PC: variants seen among roughly 807,000 people sequenced by gnomAD.
PC encodes the protein pyruvate carboxylase, mitochondrial.
PC carries 46 observed loss-of-function variants against 107.8 expected under a neutral mutation model. That is an observed-to-expected ratio of 0.43 (90% CI 0.34 to 0.55). The LOEUF (loss-of-function observed/expected upper bound fraction) is 0.55, where lower values mean the gene tolerates loss of function less well. Ranked by LOEUF, PC falls within the 20% of genes least tolerant of loss-of-function variation. The pLI is 0.04. For missense variants in PC, 1,241 were observed against 1,643.1 expected, an observed-to-expected ratio of 0.76 and a Z score of 4.23; for synonymous variants, 662 against 684.7, an observed-to-expected ratio of 0.97 and a Z score of 0.52.
In PC at chr11:66,871,827, T is replaced by C. The variant is rs1442827613; in HGVS notation, c.181A>G (p.Ile61Val). Residue 61 changes from isoleucine to valine, a missense_variant, in exon 5 of 23, where the codon ATC (isoleucine) becomes GTC (valine). Physicochemically the swap from Ile to Val is conservative, Grantham distance 29. Around this residue, in one of 2 missense-constraint regions of PC, gnomAD observed 1,143 missense variants for 1,551.9 expected, o/e 0.74. Coordinates refer to ENST00000393960, the MANE Select transcript of PC (RefSeq NM_001040716.2). The surrounding 1 kb of genome is among the most constrained non-coding windows in gnomAD (Gnocchi z 7.4). ...RVFRACTELG[I>V]RTVAIYSEQD... ...TCAGAGTAGATGGCTACGGTGCGGATGCCCAGCTCCGTGCAGGCCCGGAAC... is the reference window on the plus strand; with the variant it reads ...TCAGAGTAGATGGCTACGGTGCGGACGCCCAGCTCCGTGCAGGCCCGGAAC... The C allele has an allele frequency of 6.2e-7, 1 of 1,609,298 alleles. No homozygotes were observed. The highest frequency in any genetic ancestry group is 8.5e-7 in the Non-Finnish European group (1 of 1,179,646).
Position 66,850,779 on chromosome 11 carries a change from C to T in PC, c.2368G>A (p.Gly790Arg), listed in dbSNP as rs1478432050. Reference protein sequence around the residue: ...VAAMLACAQAGADVVDVAADS... With the variant: ...VAAMLACAQARADVVDVAADS... ...GCTGCCACATCCACCACATCAGCTCCAGCCTGGGCACAGGCCAGCATGGCT... is the reference window on the plus strand; with the variant it reads ...GCTGCCACATCCACCACATCAGCTCTAGCCTGGGCACAGGCCAGCATGGCT... The change falls in exon 18 of 23, where the codon GGA becomes AGA. Residue 790 changes from glycine to arginine, a missense_variant. Gly to Arg is a moderately radical substitution (Grantham distance 125). Transcript: ENST00000393960. 1 of 1,611,600 alleles carries T rather than the reference C, an allele frequency of 6.2e-7. No homozygotes were observed. Among genetic ancestry groups the T allele is most frequent in the South Asian group, 1.1e-5 (1 of 91,086 alleles).
chr11:66,868,955 C>T lies in PC; in HGVS notation c.913G>A (p.Glu305Lys), dbSNP rs1487446205. The T allele has an allele frequency of 1.5e-5, 25 of 1,613,328 alleles. No individual in the cohort carries two copies. Among genetic ancestry groups the T allele is most frequent in the Middle Eastern group, 1.6e-4 (1 of 6,082 alleles). ...SVKLAKQVGY[E>K]NAGTVEFLVD... ...AGGAACTCCACGGTGCCTGCGTTCT[C>T]GTAGCCCACCTGTGGGGGCGGCCAC... The change falls in exon 10 of 23, where the codon GAG becomes AAG. Residue 305 changes from glutamate to lysine, a missense_variant. Physicochemically the swap from Glu to Lys is moderately conservative, Grantham distance 56. Transcript: ENST00000393960.
At chr11:66,856,366 C>G (rs1366927860) in intron 12 of PC, among the ~76,000 whole-genome samples, 2 of 121,220 alleles carry the variant, frequency 1.6e-5, no homozygotes, top group Non-Finnish European at 3.5e-5. Context: ...GCGGGGCGGG[C>G]GGGGCAGCTG....
chr11:66,910,186 TCAA>T (rs1948294606), intron 3 of PC, among the ~76,000 whole-genome samples: 1 of 152,014 alleles, frequency 6.6e-6, no homozygotes, highest in African/African-American at 2.4e-5. Context: ...GCTCACATGC[TCAA>T]CAACACTGTT....
chr11:66,892,877 T>G (rs1189761282), intron 3 of PC, among the ~76,000 whole-genome samples: 1 of 151,728 alleles, frequency 6.6e-6, no homozygotes, highest in African/African-American at 2.4e-5. Context: ...ATTGTTGGCT[T>G]TTAGTATTAA....
chr11:66,904,786 AGGGAACGGCATTAAG>A (rs1418086571), intron 3 of PC, among the ~76,000 whole-genome samples: 5 of 152,244 alleles, frequency 3.3e-5, no homozygotes, highest in Non-Finnish European at 4.4e-5. Context: ...TTCTGTGGGA[AGGGAACGGCATTAAG>A]AGGAACGGCA....
Position 66,851,946 on chromosome 11 carries a change from C to T in PC, c.1826G>A (p.Gly609Glu). ...GCGCATGGCGACGTCAAACGTGGCT[C>T]CTGCACAGGAACCGAGAGGCCCAGA... is the stretch of plus-strand genomic sequence containing the variant. ...SKLFSMENWG[G>E]ATFDVAMRFL... The change falls in exon 16 of 23, where the codon GGA becomes GAA. Residue 609 changes from glycine (G) to glutamate (E), a missense_variant and splice_region_variant. Gly to Glu is a moderately conservative substitution (Grantham distance 98). Transcript: ENST00000393960. 1 of 1,613,874 alleles carries T rather than the reference C, an allele frequency of 6.2e-7. No individual in the cohort carries two copies. The highest frequency in any genetic ancestry group is 8.5e-7 in the Non-Finnish European group (1 of 1,179,998).
chr11:66,852,546 G>A lies in PC; in HGVS notation c.1718C>T (p.Ala573Val). 6.2e-7 allele frequency: 1 copy of A among 1,614,014 alleles called. No homozygotes were observed. Among genetic ancestry groups the A allele is most frequent in the East Asian group, 2.2e-5 (1 of 44,882 alleles). Residue 573 changes from alanine to valine, a missense_variant, in exon 15 of 23, where the codon GCC becomes GTC. Physicochemically the swap from Ala to Val is moderately conservative, Grantham distance 64. This residue lies in a region of PC where 1,143 missense variants were observed against 1,551.9 expected (regional missense o/e 0.74). Transcript: ENST00000393960. This position sits in a 1 kb window ranked among gnomAD's most constrained non-coding sequence, Gnocchi z 4.7. The stretch of plus-strand genomic sequence containing the variant: ...ACGAGTGGCCAGCAGTGACTGGTGG[G>A]CGTCCCTGAAGGTCGTGTCCATCAG... ...LLLMDTTFRD[A>V]HQSLLATRVR... is the part of the protein sequence containing the mutation.
chr11:66,852,936 C>G lies in PC; in HGVS notation c.1514-100G>C, dbSNP rs1463524198. On this transcript the variant is annotated intron_variant, in intron 13 of 22. Coordinates refer to ENST00000393960, the MANE Select transcript of PC (RefSeq NM_001040716.2). The surrounding 1 kb of genome is among the most constrained non-coding windows in gnomAD (Gnocchi z 4.7). ...GGCTCAGGGACAGGGACACATCCCTCCAGGATCCCCGGGCTTCCAGCTGGC... is the reference window on the plus strand; with the variant it reads ...GGCTCAGGGACAGGGACACATCCCTGCAGGATCCCCGGGCTTCCAGCTGGC... 8.6e-6 allele frequency: 8 copies of G among 932,810 alleles called. No individual in the cohort carries two copies. Among genetic ancestry groups the G allele is most frequent in the Non-Finnish European group, 1.3e-5 (8 of 625,864 alleles). The allele number at this position is 932,810 out of a possible 1,614,324, so 57.8% of individuals were successfully genotyped here.
intron 11 of PC, among the ~76,000 whole-genome samples, chr11:66,865,901 G>T (rs1483097371): frequency 6.6e-6 from 1 of 152,140 alleles, no homozygotes; most frequent in Non-Finnish European, 1.5e-5. Flanking sequence ...TCAGGGGCTG[G>T]CTTTGTGTCT....
At chr11:66,875,084 T>C (rs1946922116) in intron 3 of PC, among the ~76,000 whole-genome samples, 1 of 152,114 alleles carries the variant, frequency 6.6e-6, no homozygotes. Flanking sequence ...GGTTGAGGCC[T>C]CCCTTCAGCC....
At position 66,866,222 on chromosome 11, in the gene PC, C is replaced by T. The variant is rs1464614105; in HGVS notation, c.1150G>A (p.Ala384Thr). Reference sequence around the variant, plus strand: ...CCGGTGTCCGGCTGGAAGCTGCGCGCGGGGTCCTCGGTGGTGACCCGGCAC... The same window carrying T: ...CCGGTGTCCGGCTGGAAGCTGCGCGTGGGGTCCTCGGTGGTGACCCGGCAC... ...IQCRVTTEDP[A>T]RSFQPDTGRI... Residue 384 changes from alanine to threonine, a missense_variant, in exon 11 of 23, where the codon GCG (alanine) becomes ACG (threonine). Ala to Thr is a moderately conservative substitution (Grantham distance 58, BLOSUM62 0). Around this residue, in one of 2 missense-constraint regions of PC, gnomAD observed 1,143 missense variants for 1,551.9 expected, o/e 0.74. Coordinates refer to ENST00000393960, the MANE Select transcript of PC (RefSeq NM_001040716.2). The surrounding 1 kb of genome is among the most constrained non-coding windows in gnomAD (Gnocchi z 5.4). 23 of 1,611,484 alleles carry T rather than the reference C, an allele frequency of 1.4e-5. No homozygotes were observed. The highest frequency in any genetic ancestry group is 3.3e-5 in the Admixed American group (2 of 59,974).
chr11:66,868,169 C>T (rs934942212), intron 10 of PC, among the ~76,000 whole-genome samples: 1 of 152,210 alleles, frequency 6.6e-6, no homozygotes, highest in African/African-American at 2.4e-5. Context: ...AAGGGTTTAC[C>T]CTCAGAACTC....
At chr11:66,889,202 T>G (rs1947477474) in intron 3 of PC, among the ~76,000 whole-genome samples, 1 of 151,964 alleles carries the variant, frequency 6.6e-6, no homozygotes, top group African/African-American at 2.4e-5. Flanking sequence ...GGGAGGGCAG[T>G]AAAAGTGAGC....
intron 3 of PC, among the ~76,000 whole-genome samples, chr11:66,937,055 G>A (rs1949018574): frequency 6.6e-6 from 1 of 152,050 alleles, no homozygotes; most frequent in African/African-American, 2.4e-5. Flanking sequence ...TGTTGGTCAG[G>A]CTGGTCTCGA....
At chr11:66,899,148 G>A (rs1947863246) in intron 3 of PC, among the ~76,000 whole-genome samples, 1 of 152,214 alleles carries the variant, frequency 6.6e-6, no homozygotes, top group South Asian at 2.1e-4. Context: ...GGGATTACAG[G>A]GGTGAGCCAC....
intron 1 of PC, among the ~76,000 whole-genome samples, 155 bp from the exon 2 acceptor site, chr11:66,954,591 T>C (rs567302431): frequency 6.6e-6 from 1 of 152,206 alleles, no homozygotes; most frequent in Non-Finnish European, 1.5e-5. Flanking sequence ...CCCATTCAGA[T>C]GGGGGCAGGA....
intron 3 of PC, among the ~76,000 whole-genome samples, chr11:66,883,439 T>C (rs1424970352): frequency 3.9e-5 from 6 of 152,122 alleles, no homozygotes; most frequent in South Asian, 2.1e-4. Context: ...CCACATCCTA[T>C]AGGAGTAGGC....
chr11:66,867,418 C>A (rs1400236462), intron 10 of PC, among the ~76,000 whole-genome samples: 1 of 152,158 alleles, frequency 6.6e-6, no homozygotes, highest in South Asian at 2.1e-4. Flanking sequence ...ACATGTATTG[C>A]CACTGAGGCT....
Sources: gnomAD v4.1 joint callset for allele counts (sites outside exome capture counted in the v4.1 genomes callset) on GRCh38, gnomAD v4.1.1 for gene constraint, gnomAD v4.1.1 regional missense constraint, Gnocchi (gnomAD v3.1) non-coding constraint, MANE v1.5 for transcripts, NCBI Gene and HGNC (gene_info 2026-07-23, HGNC 2026-07-21) for gene names.